Variants in PLD5 observed in about 807,000 individuals in gnomAD.
The protein encoded by PLD5 is phospholipase D family member 5.
In PLD5, 36 loss-of-function variants were observed where a neutral mutation model predicts 61.1. That is an observed-to-expected ratio of 0.59 (90% confidence interval 0.45 to 0.78). The LOEUF is 0.78. Among genes scored for constraint, PLD5 ranks in the 30% least tolerant of loss-of-function variants. The pLI, the probability that PLD5 is intolerant of heterozygous loss-of-function variation, is 0.00. For synonymous variants in PLD5, 243 were observed against 242.8 expected, an observed-to-expected ratio of 1.00 and a Z score of -0.01; for missense variants, 515 against 644.4, an observed-to-expected ratio of 0.80 and a Z score of 2.17.
chr1:242,434,816 T>C (rs1665909962), intron 1 of PLD5, among the ~76,000 whole-genome samples: 1 of 152,120 alleles, frequency 6.6e-6, no homozygotes, highest in Non-Finnish European at 1.5e-5. Flanking sequence ...GGTTTCACCA[T>C]TTTAGCCAGG....
intron 1 of PLD5, among the ~76,000 whole-genome samples, chr1:242,375,849 G>A (rs1314259424): frequency 6.6e-6 from 1 of 152,080 alleles, no homozygotes; most frequent in Non-Finnish European, 1.5e-5. Flanking sequence ...CAATACACAG[G>A]CGGCTGCATT....
At chr1:242,281,146 A>C (rs932687574) in intron 3 of PLD5, among the ~76,000 whole-genome samples, 1 of 152,240 alleles carries the variant, frequency 6.6e-6, no homozygotes, top group African/African-American at 2.4e-5. Flanking sequence ...CAGTGGTTTT[A>C]ATAGAAAATG....
intron 1 of PLD5, among the ~76,000 whole-genome samples, chr1:242,414,755 T>C (rs1664732809): frequency 6.6e-6 from 1 of 151,830 alleles, no homozygotes; most frequent in South Asian, 2.1e-4. Flanking sequence ...CCAGAAGAAA[T>C]AAAAAAACAT....
intron 2 of PLD5, among the ~76,000 whole-genome samples, chr1:242,332,173 G>A (rs1214750873): frequency 2.0e-5 from 3 of 152,084 alleles, no homozygotes; most frequent in Non-Finnish European, 2.9e-5. Context: ...TGCTGAGAAC[G>A]ATAGTTTCCA....
intron 1 of PLD5, among the ~76,000 whole-genome samples, chr1:242,448,822 C>T (rs1202788895): frequency 1.3e-5 from 2 of 152,068 alleles, no homozygotes; most frequent in Non-Finnish European, 2.9e-5. Context: ...GTTGTTACTG[C>T]CTATGATAGT....
intron 3 of PLD5, among the ~76,000 whole-genome samples, chr1:242,272,116 T>G (rs1460132273): frequency 6.6e-6 from 1 of 152,114 alleles, no homozygotes; most frequent in African/African-American, 2.4e-5. Context: ...ATAAACAATC[T>G]CAGTAAAAGT....
chr1:242,118,189 C>A (rs1230315052), intron 6 of PLD5, among the ~76,000 whole-genome samples: 1 of 152,162 alleles, frequency 6.6e-6, no homozygotes, highest in African/African-American at 2.4e-5. Flanking sequence ...GAACCTGGGG[C>A]ATCTTGGTGT....
chr1:242,251,908 T>C (rs370432520), intron 4 of PLD5, among the ~76,000 whole-genome samples: 1,576 of 152,188 alleles, frequency 0.01, 24 homozygotes, highest in African/African-American at 0.036. Context: ...CATGTAGATA[T>C]GGAAAATGTA....
At chr1:242,109,034 T>C (rs539469615) in intron 7 of PLD5, among the ~76,000 whole-genome samples, 49 of 152,336 alleles carry the variant, frequency 3.2e-4, no homozygotes, top group African/African-American at 1.1e-3. Flanking sequence ...CAGTTTTCTT[T>C]GTCTGGTTTT....
intron 1 of PLD5, among the ~76,000 whole-genome samples, chr1:242,477,931 G>A (rs1667648730): frequency 6.6e-6 from 1 of 152,170 alleles, no homozygotes; most frequent in South Asian, 2.1e-4. Flanking sequence ...TGTGGTCTGA[G>A]CTCCCTCTGT....
chr1:242,449,424 C>G, intron 1 of PLD5: 2 of 1,535,980 alleles, frequency 1.3e-6, no homozygotes, highest in African/African-American at 1.4e-5. Context: ...GTGCTGCTTC[C>G]CACAGCCTCT....
At position 242,089,911 on chromosome 1, in the gene PLD5, GGGTTTGAGTTTGAACA is replaced by G. The variant is rs1558206535; in HGVS notation, c.1538_1553del (p.Leu513ProfsTer46). 1 of 1,614,208 alleles carries G rather than the reference GGGTTTGAGTTTGAACA, an allele frequency of 6.2e-7. No individual in the cohort carries two copies. ...CGTCTGTGGCAGTTTTGTTGGAGAG[GGGTTTGAGTTTGAACA>G]GGCTTGAGCAGTTCGGCTGTTTGGT... is the stretch of plus-strand genomic sequence containing the variant. On this transcript the variant is annotated frameshift_variant, in exon 10 of 10. Transcript: ENST00000536534. LOFTEE classifies it low-confidence loss of function (END_TRUNC).
In PLD5 at chr1:242,328,420, CTA is replaced by C. The variant is rs548217610; in HGVS notation, c.326+19684_326+19685del. Among the ~76,000 whole-genome samples the C allele has an allele frequency of 2.1e-3, 321 of 152,094 alleles. 2 individuals carry two copies. The highest frequency in any genetic ancestry group is 6.1e-3 in the African/African-American group (255 of 41,474). The stretch of plus-strand genomic sequence containing the variant: ...CATAGTTGTGTGTTCTACACGTTTT[CTA>C]TATATGTGTGTTCTACATACATGTG... On this transcript the variant is annotated intron_variant, in intron 2 of 9. Coordinates refer to ENST00000536534, the MANE Select transcript of PLD5 (RefSeq NM_001372062.1).
intron 1 of PLD5, among the ~76,000 whole-genome samples, chr1:242,404,350 C>A (rs1664107624): frequency 6.6e-6 from 1 of 152,108 alleles, no homozygotes; most frequent in Admixed American, 6.5e-5. Context: ...GGAGGATTAA[C>A]CCATGAGATA....
intron 1 of PLD5, among the ~76,000 whole-genome samples, chr1:242,442,162 A>T (rs1191239291): frequency 2.0e-5 from 3 of 152,196 alleles, no homozygotes; most frequent in Admixed American, 6.5e-5. Flanking sequence ...ACCTTGGCCG[A>T]TGCCCATCAT....
chr1:242,289,219 T>A (rs1194139706), intron 2 of PLD5, among the ~76,000 whole-genome samples: 1 of 152,248 alleles, frequency 6.6e-6, no homozygotes, highest in Non-Finnish European at 1.5e-5. Context: ...TGACAATATA[T>A]CTGTTGTATT....
chr1:242,292,578 T>C (rs1177749753), intron 2 of PLD5, among the ~76,000 whole-genome samples: 4 of 152,236 alleles, frequency 2.6e-5, no homozygotes, highest in African/African-American at 9.6e-5. Flanking sequence ...AACTTGGATC[T>C]ATGGGTAGAA....
intron 4 of PLD5, among the ~76,000 whole-genome samples, chr1:242,233,123 C>T (rs1465369294): frequency 6.6e-6 from 1 of 152,098 alleles, no homozygotes; most frequent in African/African-American, 2.4e-5. Flanking sequence ...CACTGCACTC[C>T]AGTCTGGGTG....
chr1:242,172,621 T>C (rs537010626), intron 5 of PLD5, among the ~76,000 whole-genome samples: 3 of 152,126 alleles, frequency 2.0e-5, no homozygotes, highest in Admixed American at 1.3e-4. Flanking sequence ...ACAAAATAGA[T>C]AGACTTCTAG....
Sources: gnomAD v4.1 joint callset for allele counts (sites outside exome capture counted in the v4.1 genomes callset) on GRCh38, gnomAD v4.1.1 for gene constraint, MANE v1.5 for transcripts, NCBI Gene and HGNC (gene_info 2026-07-23, HGNC 2026-07-21) for gene names.